SPAG16: variants seen among roughly 807,000 people sequenced by gnomAD.
The protein encoded by SPAG16 is sperm-associated antigen 16 protein.
In SPAG16, 86 loss-of-function variants were observed where a neutral mutation model predicts 80.4. The observed-to-expected ratio is 1.07, with a 90% confidence interval of 0.90 to 1.28. The LOEUF (loss-of-function observed/expected upper bound fraction) is 1.28, where lower values mean the gene tolerates loss of function less well. Among genes scored for constraint, SPAG16 ranks in the 50% most tolerant of loss-of-function variants. The pLI is 0.00. For synonymous variants in SPAG16, 294 were observed against 265.9 expected (o/e 1.11, Z -1.03); for missense variants, 870 against 765.3 (o/e 1.14, Z -1.61).
intron 9 of SPAG16, among the ~76,000 whole-genome samples, chr2:213,434,067 C>T (rs1216299301): frequency 6.6e-6 from 1 of 151,698 alleles, no homozygotes; most frequent in African/African-American, 2.4e-5. Context: ...ATTACAGGCA[C>T]CCGCCATGAC....
intron 10 of SPAG16, among the ~76,000 whole-genome samples, chr2:213,523,496 G>T (rs1277110300): frequency 6.6e-6 from 1 of 152,162 alleles, no homozygotes; most frequent in Non-Finnish European, 1.5e-5. Flanking sequence ...TCTGAAGCTG[G>T]GTAACAGGCA....
intron 10 of SPAG16, among the ~76,000 whole-genome samples, chr2:213,861,158 A>G (rs2075439646): frequency 6.6e-6 from 1 of 152,212 alleles, no homozygotes; most frequent in South Asian, 2.1e-4. Flanking sequence ...GTTTCACTAG[A>G]AAGAAGGCCA....
intron 9 of SPAG16, among the ~76,000 whole-genome samples, chr2:213,451,423 C>T (rs2071683367): frequency 6.6e-6 from 1 of 152,088 alleles, no homozygotes; most frequent in Admixed American, 6.5e-5. Context: ...CTTAATTGAA[C>T]CTCCACCTTG....
intron 11 of SPAG16, among the ~76,000 whole-genome samples, chr2:213,864,983 G>A (rs930112213): frequency 1.6e-4 from 25 of 151,772 alleles, no homozygotes; most frequent in African/African-American, 4.6e-4. Context: ...ATATGATGTC[G>A]AAATATATAA....
intron 9 of SPAG16, among the ~76,000 whole-genome samples, chr2:213,439,370 C>G (rs889295144): frequency 3.9e-5 from 6 of 151,950 alleles, no homozygotes; most frequent in Admixed American, 3.3e-4. Flanking sequence ...CTTAAACAGA[C>G]CATTAGTAGA....
intron 10 of SPAG16, among the ~76,000 whole-genome samples, chr2:213,813,224 C>T (rs1351591597): frequency 6.6e-6 from 1 of 152,144 alleles, no homozygotes. Context: ...CAAAGAGAGG[C>T]AGGGCACACC....
chr2:213,818,105 C>T (rs1050177838), intron 10 of SPAG16, among the ~76,000 whole-genome samples: 3 of 152,158 alleles, frequency 2.0e-5, no homozygotes, highest in African/African-American at 7.2e-5. Flanking sequence ...TCTAAGTAAA[C>T]TTCTTTCCAT....
intron 15 of SPAG16, among the ~76,000 whole-genome samples, chr2:214,312,872 A>G (rs2888268): frequency 0.42 from 63,859 of 151,942 alleles, 15,131 homozygotes; most frequent in South Asian, 0.58. Context: ...TTTTTGAAGC[A>G]GATTATCTAA....
rs193154951 is a variant in SPAG16, at chr2:213,859,499, C to T, written c.1071-2986C>T. Among the ~76,000 whole-genome samples the T allele has an allele frequency of 8.7e-4, 132 of 152,094 alleles. 2 individuals are homozygous for T. The highest frequency in any genetic ancestry group is 7.7e-3 in the Admixed American group (118 of 15,268). ...GGCAATTTCTAAATTGGTTCTTTACCTCAGGGCTTAATAATGACTAAATGA... is the reference window on the plus strand; with the variant it reads ...GGCAATTTCTAAATTGGTTCTTTACTTCAGGGCTTAATAATGACTAAATGA... On this transcript the variant is annotated intron_variant, in intron 10 of 15. Transcript: ENST00000331683.
intron 15 of SPAG16, among the ~76,000 whole-genome samples, chr2:214,201,671 G>A (rs538345883): frequency 2.4e-4 from 36 of 152,264 alleles, no homozygotes; most frequent in Admixed American, 2.0e-4. Context: ...CCTGATATGG[G>A]ATAGACTACA....
In SPAG16 at chr2:213,317,325, A is replaced by C; in HGVS notation, c.505A>C (p.Lys169Gln). ...GGAAAATGAGAACAAAAATTTAAAGAAAGATTTGAAGCACTACAAACAAGC... is the reference window on the plus strand; with the variant it reads ...GGAAAATGAGAACAAAAATTTAAAGCAAGATTTGAAGCACTACAAACAAGC... ...LLENENKNLK[K>Q]DLKHYKQAAD... The change falls in exon 5 of 16, where the codon AAA becomes CAA. Residue 169 changes from lysine to glutamine, a missense_variant. Coordinates refer to ENST00000331683, the MANE Select transcript of SPAG16 (RefSeq NM_024532.5). The C allele has an allele frequency of 6.2e-7, 1 of 1,611,050 alleles. No homozygotes were observed. Among genetic ancestry groups the C allele is most frequent in the East Asian group, 2.2e-5 (1 of 44,724 alleles).
chr2:213,434,352 A>T (rs2070494996), intron 9 of SPAG16, among the ~76,000 whole-genome samples: 1 of 152,238 alleles, frequency 6.6e-6, no homozygotes, highest in Non-Finnish European at 1.5e-5. Context: ...ATAAGACCTG[A>T]TACTATTAAA....
chr2:214,217,911 C>A (rs6723346), intron 15 of SPAG16, among the ~76,000 whole-genome samples: 11,143 of 152,114 alleles, frequency 0.073, 1,197 homozygotes, highest in African/African-American at 0.24. Flanking sequence ...GTCTCCAACC[C>A]TTTTTATACT....
intron 13 of SPAG16, among the ~76,000 whole-genome samples, chr2:214,076,326 G>A (rs2051070337): frequency 6.6e-6 from 1 of 152,060 alleles, no homozygotes; most frequent in South Asian, 2.1e-4. Context: ...CAGAAAGAAG[G>A]TATCTAGGGA....
At chr2:213,437,668 A>G (rs2070722605) in intron 9 of SPAG16, among the ~76,000 whole-genome samples, 1 of 152,124 alleles carries the variant, frequency 6.6e-6, no homozygotes, top group Admixed American at 6.6e-5. Context: ...CAATCCCACA[A>G]TCATTCCTCA....
intron 11 of SPAG16, among the ~76,000 whole-genome samples, chr2:213,905,432 A>C (rs1211195193): frequency 3.9e-5 from 6 of 152,236 alleles, no homozygotes; most frequent in Non-Finnish European, 1.5e-5. Flanking sequence ...CAAATGGCAC[A>C]TACAATCCAC....
At chr2:213,487,722 T>C (rs2074049337) in intron 9 of SPAG16, among the ~76,000 whole-genome samples, 1 of 152,124 alleles carries the variant, frequency 6.6e-6, no homozygotes, top group Admixed American at 6.5e-5. Flanking sequence ...TGATTATTGG[T>C]TTAACAATGC....
At chr2:213,296,932 G>T in intron 2 of SPAG16, 1 of 497,888 alleles carries the variant, frequency 2.0e-6, no homozygotes. Context: ...AGTGATGGTG[G>T]AAAGCACTTG....
chr2:213,796,382 G>T (rs564758445), intron 10 of SPAG16, among the ~76,000 whole-genome samples: 1 of 152,224 alleles, frequency 6.6e-6, no homozygotes, highest in South Asian at 2.1e-4. Context: ...GACATTTAAT[G>T]TAAATAATTT....
Sources: gnomAD v4.1 joint callset for allele counts (sites outside exome capture counted in the v4.1 genomes callset) on GRCh38, gnomAD v4.1.1 for gene constraint, MANE v1.5 for transcripts, NCBI Gene and HGNC (gene_info 2026-07-23, HGNC 2026-07-21) for gene names.